Variants in RTRAF observed in about 807,000 individuals in gnomAD.
The protein encoded by RTRAF is tRNA-splicing ligase complex subunit RTRAF.
Under a neutral mutation model 34.4 loss-of-function variants are expected in RTRAF, and 14 were observed. That is an observed-to-expected ratio of 0.41 (90% CI 0.27 to 0.64). The LOEUF is 0.64. Ranked by LOEUF, RTRAF falls within the 30% of genes least tolerant of loss-of-function variation. RTRAF has a pLI of 0.34. For synonymous variants in RTRAF, 96 were observed against 95.3 expected (o/e 1.01, Z -0.04); for missense variants, 291 against 288.4 (o/e 1.01, Z -0.06).
At chr14:51,999,605 G>C in intron 4 of RTRAF, 103 bp from the exon 5 acceptor site, 1 of 697,932 alleles carries the variant, frequency 1.4e-6, no homozygotes, top group Non-Finnish European at 2.4e-6. Flanking sequence ...TAAGAGATTT[G>C]TTGCTACCGA....
Position 52,010,543 on chromosome 14 carries a change from T to C in RTRAF, c.*6027T>C. On this transcript the variant is annotated 3_prime_UTR_variant, in exon 8 of 8. Transcript: ENST00000261700. ...GAGGAATCCCACTTCACTTCCAGTT[T>C]AAGTGTCAGCTGAGGCCTCGCCTGA... is the stretch of plus-strand genomic sequence containing the variant. 1 of 184,786 alleles carries C rather than the reference T, an allele frequency of 5.4e-6. No homozygotes were observed. Among genetic ancestry groups the C allele is most frequent in the Non-Finnish European group, 1.1e-5 (1 of 87,028 alleles). The allele number at this position is 184,786 out of a possible 1,614,324, so 11.4% of individuals were successfully genotyped here. A position where few individuals can be genotyped will look rare whatever the true frequency, so the allele number is the denominator to read the frequency against.
intron 4 of RTRAF, chr14:51,999,275 A>T (rs1475907656): frequency 6.4e-6 from 1 of 155,230 alleles, no homozygotes; most frequent in Non-Finnish European, 1.4e-5. Context: ...TGAAATACAG[A>T]TACTCCTTGA....
At chr14:51,991,493 A>C (rs757410193) in intron 2 of RTRAF, 52 bp downstream of exon 2, 1 of 1,542,352 alleles carries the variant, frequency 6.5e-7, no homozygotes, top group East Asian at 2.3e-5. Flanking sequence ...CTGAAAAATC[A>C]TGAAGATGAG....
At position 52,008,220 on chromosome 14, in the gene RTRAF, G is replaced by T. The variant is rs1890870193; in HGVS notation, c.*3704G>T. ...AGGGGCTCTCTCTTGCTCCCTTTGA[G>T]GGAAGCTGGATGCCATGTTGCAAGC... On this transcript the variant is annotated 3_prime_UTR_variant, in exon 8 of 8. Transcript: ENST00000261700. 5.7e-6 allele frequency: 2 copies of T among 348,160 alleles called. No homozygotes were observed. The highest frequency in any genetic ancestry group is 1.0e-5 in the Non-Finnish European group (2 of 192,156). 21.6% of individuals were successfully genotyped at this position (348,160 alleles called of 1,614,324 possible).
chr14:51,992,497 C>G (rs1386700953), intron 2 of RTRAF, among the ~76,000 whole-genome samples: 2 of 152,054 alleles, frequency 1.3e-5, no homozygotes, highest in African/African-American at 4.8e-5. Flanking sequence ...CACAGAAGTC[C>G]CTGGCGCATA....
intron 4 of RTRAF, 140 bp downstream of exon 4, chr14:51,998,720 T>A: frequency 2.1e-6 from 1 of 470,756 alleles, no homozygotes; most frequent in Non-Finnish European, 3.8e-6. Flanking sequence ...TGTTAACATT[T>A]TATTCTCTAT....
chr14:52,003,505 G>A (rs746744246), intron 6 of RTRAF, among the ~76,000 whole-genome samples: 8 of 152,018 alleles, frequency 5.3e-5, no homozygotes, highest in African/African-American at 9.7e-5. Flanking sequence ...TTGAAAGTAC[G>A]GGTAGTGTGT....
At position 52,004,552 on chromosome 14, in the gene RTRAF, C is replaced by T. The variant is rs1890678626; in HGVS notation, c.*36C>T. On this transcript the variant is annotated 3_prime_UTR_variant, in exon 8 of 8. Coordinates refer to ENST00000261700, the MANE Select transcript of RTRAF (RefSeq NM_016039.3). ...ACTTCAGCTTCTCACCTACTTAGTA[C>T]AGTTGGGAACCATACACTTCTGGCA... 1 of 1,573,914 alleles carries T rather than the reference C, an allele frequency of 6.4e-7. No homozygotes were observed. Among genetic ancestry groups the T allele is most frequent in the South Asian group, 1.2e-5 (1 of 85,558 alleles).
chr14:52,007,875 T>A lies in RTRAF; in HGVS notation c.*3359T>A. The A allele has an allele frequency of 6.2e-7, 1 of 1,613,336 alleles. No individual in the cohort carries two copies. The highest frequency in any genetic ancestry group is 8.5e-7 in the Non-Finnish European group (1 of 1,179,332). On this transcript the variant is annotated 3_prime_UTR_variant, in exon 8 of 8. Coordinates refer to ENST00000261700, the MANE Select transcript of RTRAF (RefSeq NM_016039.3). ...GGTTAAGCCATTGGGCAATCCAATG[T>A]CTGTATTGATCAGAATTCTTCTGTT... is the stretch of plus-strand genomic sequence containing the variant.
At chr14:51,990,279 G>A (rs565176407) in intron 1 of RTRAF, among the ~76,000 whole-genome samples, 1 of 152,326 alleles carries the variant, frequency 6.6e-6, no homozygotes, top group African/African-American at 2.4e-5. Context: ...AATAGCAGAT[G>A]AGTGGGAAGG....
intron 1 of RTRAF, among the ~76,000 whole-genome samples, chr14:51,990,140 G>A (rs1040214583): frequency 1.3e-5 from 2 of 152,172 alleles, no homozygotes; most frequent in Admixed American, 1.3e-4. Flanking sequence ...AAAGGGACGA[G>A]GGGTGGAAGC....
In RTRAF at chr14:52,004,477, T is replaced by G; in HGVS notation, c.696T>G (p.Asp232Glu). ...AIVAVQAIIA[D>E]PKTDHRLGKV... ...TAGCTGTTCAGGCAATTATTGCTGA[T>G]CCAAAGACAGACCACAGACTGGGAA... is the stretch of plus-strand genomic sequence containing the variant. Residue 232 changes from aspartate to glutamate, a missense_variant, in exon 8 of 8, where the codon GAT (aspartate) becomes GAG (glutamate). Coordinates refer to ENST00000261700, the MANE Select transcript of RTRAF (RefSeq NM_016039.3). 1.5e-5 allele frequency: 25 copies of G among 1,613,818 alleles called. No individual in the cohort carries two copies. The highest frequency in any genetic ancestry group is 1.8e-5 in the Non-Finnish European group (21 of 1,179,872).
intron 2 of RTRAF, among the ~76,000 whole-genome samples, chr14:51,991,885 G>A (rs1235317011): frequency 6.6e-6 from 1 of 152,092 alleles, no homozygotes; most frequent in East Asian, 1.9e-4. Flanking sequence ...TGGGCAACAT[G>A]ATGAAACCCT....
chr14:51,990,212 G>A (rs1253712010), intron 1 of RTRAF, among the ~76,000 whole-genome samples: 1 of 152,250 alleles, frequency 6.6e-6, no homozygotes, highest in East Asian at 1.9e-4. Flanking sequence ...ATCACAGTGG[G>A]AGGGTAAGCG....
Position 52,008,149 on chromosome 14 carries a change from G to A in RTRAF, c.*3633G>A. 2.0e-6 allele frequency: 1 copy of A among 497,020 alleles called. No homozygotes were observed. The highest frequency in any genetic ancestry group is 3.5e-6 in the Non-Finnish European group (1 of 285,800). 30.8% of individuals were successfully genotyped at this position (497,020 alleles called of 1,614,324 possible). A position where few individuals can be genotyped will look rare whatever the true frequency, so the allele number is the denominator to read the frequency against. ...TGCATAGAGTATAGCAGAAGTGATA[G>A]GCTATCACTGCCGATATTCGGTCTC... is the stretch of plus-strand genomic sequence containing the variant. On this transcript the variant is annotated 3_prime_UTR_variant, in exon 8 of 8. Coordinates refer to ENST00000261700, the MANE Select transcript of RTRAF (RefSeq NM_016039.3).
intron 3 of RTRAF, among the ~76,000 whole-genome samples, chr14:51,996,324 G>A (rs1255264485): frequency 6.6e-6 from 1 of 152,034 alleles, no homozygotes; most frequent in Non-Finnish European, 1.5e-5. Context: ...GTCTCTAATC[G>A]GTAGGAGGCG....
At chr14:51,999,924 A>G in intron 5 of RTRAF, 128 bp downstream of exon 5, 1 of 622,646 alleles carries the variant, frequency 1.6e-6, no homozygotes, top group Admixed American at 3.0e-5. Flanking sequence ...AATATGAAAC[A>G]TAAAGTAGAT....
intron 4 of RTRAF, among the ~76,000 whole-genome samples, chr14:51,999,074 C>T (rs1890565221): frequency 6.6e-6 from 1 of 151,986 alleles, no homozygotes; most frequent in South Asian, 2.1e-4. Flanking sequence ...CTCTTGGACA[C>T]TCCAGAGCTG....
In RTRAF at chr14:52,006,054, G is replaced by C; in HGVS notation, c.*1538G>C. On this transcript the variant is annotated 3_prime_UTR_variant, in exon 8 of 8. Coordinates refer to ENST00000261700, the MANE Select transcript of RTRAF (RefSeq NM_016039.3). ...TAGCTGCATGTTAGAATCACATGAT[G>C]AGCTATCAAATCAGAGTTGTAGGGC... is the stretch of plus-strand genomic sequence containing the variant. The C allele has an allele frequency of 1.8e-6, 1 of 558,066 alleles. No homozygotes were observed. The allele number at this position is 558,066 out of a possible 1,614,324, so 34.6% of individuals were successfully genotyped here.
Sources: allele counts gnomAD v4.1 joint callset (sites outside exome capture counted in the v4.1 genomes callset), GRCh38; gene constraint gnomAD v4.1.1; transcripts MANE v1.5; gene names NCBI Gene and HGNC (gene_info 2026-07-23, HGNC 2026-07-21).